Variants in NHSL1 observed in about 807,000 individuals in gnomAD.
NHSL1 encodes NHS-like protein 1.
Under a neutral mutation model 95.0 loss-of-function variants are expected in NHSL1, and 48 were observed. The ratio of observed to expected loss-of-function variants is 0.51; its 90% CI spans 0.40 to 0.64. The LOEUF is 0.64. Among genes scored for constraint, NHSL1 ranks in the 30% least tolerant of loss-of-function variants. The pLI, the probability that NHSL1 is intolerant of heterozygous loss-of-function variation, is 0.00. For missense variants in NHSL1, 1,971 were observed against 2,077.7 expected, an observed-to-expected ratio of 0.95 and a Z score of 1.00; for synonymous variants, 783 against 833.9, an observed-to-expected ratio of 0.94 and a Z score of 1.05.
In NHSL1 at chr6:138,449,503, C is replaced by T. The variant is rs142254320; in HGVS notation, c.340-2310G>A. ...CATCCTGGCCAAAATGGTGAAATCCCGTCTCTACTAAAATAAAAATAAAAT... is the reference window on the plus strand; with the variant it reads ...CATCCTGGCCAAAATGGTGAAATCCTGTCTCTACTAAAATAAAAATAAAAT... On this transcript the variant is annotated intron_variant, in intron 3 of 7. Transcript: ENST00000343505. 8.6e-3 allele frequency among the ~76,000 whole-genome samples: 1,309 copies of T among 152,060 alleles called. 16 individuals carry two copies. Among genetic ancestry groups the T allele is most frequent in the African/African-American group, 0.029 (1,209 of 41,458 alleles).
At chr6:138,538,707 C>G (rs1457820284) in intron 1 of NHSL1, among the ~76,000 whole-genome samples, 6 of 152,192 alleles carry the variant, frequency 3.9e-5, no homozygotes, top group African/African-American at 9.7e-5. Context: ...TTGTGGTCAG[C>G]AAAGCCGAGA....
At chr6:138,678,423 G>A (rs1256086312) in intron 1 of NHSL1, among the ~76,000 whole-genome samples, 1 of 152,132 alleles carries the variant, frequency 6.6e-6, no homozygotes, top group African/African-American at 2.4e-5. Flanking sequence ...ATTGTCACAT[G>A]GGACATTAAT....
upstream of NHSL1, among the ~76,000 whole-genome samples, chr6:138,576,679 T>C (rs1470894347): frequency 6.6e-6 from 1 of 152,210 alleles, no homozygotes; most frequent in Non-Finnish European, 1.5e-5. Context: ...TGGAAGGGCT[T>C]TGTCGCAGCT....
intron 3 of NHSL1, among the ~76,000 whole-genome samples, chr6:138,459,592 C>T (rs1397962700): frequency 6.6e-6 from 1 of 152,128 alleles, no homozygotes; most frequent in Non-Finnish European, 1.5e-5. Flanking sequence ...CTACAGCTTT[C>T]CTGATTGTCT....
At chr6:138,477,430 T>C (rs758579644) in intron 2 of NHSL1, among the ~76,000 whole-genome samples, 6 of 152,160 alleles carry the variant, frequency 3.9e-5, no homozygotes, top group Non-Finnish European at 8.8e-5. Context: ...TGAGACCGCA[T>C]TTCTAGAAAA....
At chr6:138,631,587 A>G (rs1402228538) in intron 1 of NHSL1, among the ~76,000 whole-genome samples, 1 of 152,134 alleles carries the variant, frequency 6.6e-6, no homozygotes, top group Admixed American at 6.5e-5. Context: ...TAGCTCCAAG[A>G]CAACATTTCT....
At chr6:138,651,153 T>C (rs905953550) in intron 1 of NHSL1, among the ~76,000 whole-genome samples, 1 of 152,244 alleles carries the variant, frequency 6.6e-6, no homozygotes, top group Non-Finnish European at 1.5e-5. Context: ...AAAAAAAGCA[T>C]ATGTATTACA....
intron 1 of NHSL1, among the ~76,000 whole-genome samples, chr6:138,563,804 G>A (rs1054425760): frequency 1.3e-5 from 2 of 152,178 alleles, no homozygotes; most frequent in South Asian, 2.1e-4. Flanking sequence ...CCTGGAGAAG[G>A]AGAGCACCTG....
At chr6:138,681,747 C>A (rs936407220) in intron 1 of NHSL1, among the ~76,000 whole-genome samples, 3 of 152,134 alleles carry the variant, frequency 2.0e-5, no homozygotes, top group Non-Finnish European at 4.4e-5. Context: ...TCTGAGTCCT[C>A]AGAACATTTT....
At chr6:138,656,310 A>G (rs774749751) in intron 1 of NHSL1, among the ~76,000 whole-genome samples, 1 of 152,134 alleles carries the variant, frequency 6.6e-6, no homozygotes, top group Non-Finnish European at 1.5e-5. Flanking sequence ...AAATGCATTA[A>G]CTCCAATTTT....
At chr6:138,453,430 T>C (rs946136252) in intron 3 of NHSL1, among the ~76,000 whole-genome samples, 2 of 151,802 alleles carry the variant, frequency 1.3e-5, no homozygotes, top group Non-Finnish European at 2.9e-5. Context: ...TTACAGCTCA[T>C]GGCAGCCTCA....
intron 1 of NHSL1, among the ~76,000 whole-genome samples, chr6:138,579,996 G>A (rs72975260): frequency 0.1 from 15,795 of 152,188 alleles, 956 homozygotes; most frequent in African/African-American, 0.18. Flanking sequence ...TGAAGCAGAT[G>A]AACCTTACTT....
chr6:138,432,301 G>A lies in NHSL1; in HGVS notation c.2044C>T (p.Arg682Cys), dbSNP rs556982013. ...TGGCTGCTCTTCTTGGGAATCCTGC[G>A]GAGGGAGTCTGTCCGGGAGGGTGGC... ...PLPPSRTDSLRRIPKKSSQCN... is the reference protein window; with the variant it reads ...PLPPSRTDSLCRIPKKSSQCN... Residue 682 changes from arginine (R) to cysteine (C), a missense_variant, in exon 6 of 8, where the codon CGC (arginine) becomes TGC (cysteine). Around this residue, in one of 3 missense-constraint regions of NHSL1, gnomAD observed 1,602 missense variants for 1,654.5 expected, o/e 0.97. Coordinates refer to ENST00000343505, the MANE Select transcript of NHSL1 (RefSeq NM_001144060.2). The surrounding 1 kb of genome is among the most constrained non-coding windows in gnomAD (Gnocchi z 4.4). 2.3e-5 allele frequency: 35 copies of A among 1,551,572 alleles called. No individual in the cohort carries two copies. Among genetic ancestry groups the A allele is most frequent in the East Asian group, 7.3e-5 (3 of 40,908 alleles).
At chr6:138,573,823 G>A (rs953574871), upstream of NHSL1, among the ~76,000 whole-genome samples, 2 of 152,156 alleles carry the variant, frequency 1.3e-5, no homozygotes, top group African/African-American at 2.4e-5. Flanking sequence ...GGCTGCAGCC[G>A]ACACCACTTG....
At chr6:138,507,614 A>G (rs1248019450) in intron 1 of NHSL1, among the ~76,000 whole-genome samples, 1 of 152,226 alleles carries the variant, frequency 6.6e-6, no homozygotes, top group Non-Finnish European at 1.5e-5. Context: ...CACATTTAAA[A>G]GGTAATGCAG....
At chr6:138,544,811 T>C (rs9399244) in intron 1 of NHSL1, among the ~76,000 whole-genome samples, 58,861 of 151,682 alleles carry the variant, frequency 0.39, 12,315 homozygotes, top group East Asian at 0.63. Context: ...TACATTGTAA[T>C]AAGAGTTGGA....
intron 1 of NHSL1, among the ~76,000 whole-genome samples, chr6:138,516,817 T>C (rs537356360): frequency 2.6e-5 from 4 of 152,182 alleles, no homozygotes; most frequent in African/African-American, 7.2e-5. Context: ...GTATTTTTTT[T>C]AGAGACAGGG....
intron 1 of NHSL1, among the ~76,000 whole-genome samples, chr6:138,568,255 C>G (rs992270041): frequency 3.9e-5 from 6 of 152,268 alleles, no homozygotes; most frequent in Admixed American, 3.9e-4. Flanking sequence ...TACATTTTCT[C>G]TTTAACCCCC....
intron 2 of NHSL1, among the ~76,000 whole-genome samples, chr6:138,475,474 C>T (rs944001271): frequency 5.3e-5 from 8 of 152,102 alleles, no homozygotes; most frequent in African/African-American, 1.9e-4. Flanking sequence ...GCGATCCTTC[C>T]ACCTTGGCCT....
Sources: gnomAD v4.1 joint callset for allele counts (sites outside exome capture counted in the v4.1 genomes callset) on GRCh38, gnomAD v4.1.1 for gene constraint, gnomAD v4.1.1 regional missense constraint, Gnocchi (gnomAD v3.1) non-coding constraint, MANE v1.5 for transcripts, NCBI Gene and HGNC (gene_info 2026-07-23, HGNC 2026-07-21) for gene names.